The following TRIM62 variants were observed in gnomAD, a reference collection of about 807,000 sequenced individuals.
TRIM62 encodes tripartite motif containing 62.
TRIM62 carries 39 observed loss-of-function variants against 44.2 expected under a neutral mutation model. The observed-to-expected ratio is 0.88, with a 90% CI of 0.68 to 1.15. The LOEUF is 1.15. Among genes scored for constraint, TRIM62 ranks in the 50% most tolerant of loss-of-function variants. The probability of loss-of-function intolerance (pLI) is 0.00; values close to 1 mark genes in which losing one functional copy is unlikely to be tolerated. For synonymous variants in TRIM62, 278 were observed against 292.3 expected (o/e 0.95, Z 0.50); for missense variants, 544 against 665.5 (o/e 0.82, Z 2.01).
chr1:33,155,197 G>A (rs554361167), intron 4 of TRIM62, among the ~76,000 whole-genome samples: 27 of 151,388 alleles, frequency 1.8e-4, no homozygotes, highest in South Asian at 4.2e-4. Flanking sequence ...TCAGCCTCCC[G>A]AGTAATTGGG....
intron 4 of TRIM62, among the ~76,000 whole-genome samples, chr1:33,157,857 A>T (rs1645202373): frequency 6.6e-6 from 1 of 152,028 alleles, no homozygotes; most frequent in Admixed American, 6.6e-5. Flanking sequence ...CCTGGGTTCA[A>T]GCAATTCTCC....
chr1:33,169,121 T>C (rs935818091), intron 1 of TRIM62, among the ~76,000 whole-genome samples: 1 of 151,956 alleles, frequency 6.6e-6, no homozygotes, highest in Non-Finnish European at 1.5e-5. Flanking sequence ...GAGGTGTGAG[T>C]CCTAAACGTG....
chr1:33,147,702 C>T lies in TRIM62; in HGVS notation c.903G>A (p.Pro301=), dbSNP rs554736828. 25 of 1,612,858 alleles carry T rather than the reference C, an allele frequency of 1.6e-5. No individual in the cohort carries two copies. Among genetic ancestry groups the T allele is most frequent in the Middle Eastern group, 1.7e-4 (1 of 6,058 alleles). The change falls in exon 5 of 5, where the codon CCG becomes CCA. Residue 301 remains proline, a synonymous_variant. Transcript: ENST00000291416. The surrounding 1 kb of genome is among the most constrained non-coding windows in gnomAD (Gnocchi z 8.1). ...HPVPAALTLD[P]GTAHQRLILS... ...GGATCAGGCGCTGGTGGGCTGTGCC[C>T]GGGTCCAGGGTTAGGGCGGCTGGCA...
Position 33,165,531 on chromosome 1 carries a change from G to A in TRIM62, c.444C>T (p.Asp148=), listed in dbSNP as rs1227997419. ...GCGCTTCGGTGTGTTCCCGCTCGCT[G>A]TCTTGAAGGGCCTGAAGTTGGTCCT... ...ELKDQLQALQ[D]SEREHTEALQ... is the part of the protein sequence containing the mutation. Residue 148 remains aspartate, a synonymous_variant, in exon 2 of 5, where the codon GAC becomes GAT. Coordinates refer to ENST00000291416, the MANE Select transcript of TRIM62 (RefSeq NM_018207.3). The surrounding 1 kb of genome is among the most constrained non-coding windows in gnomAD (Gnocchi z 4.0). 4.3e-6 allele frequency: 7 copies of A among 1,611,046 alleles called. No individual in the cohort carries two copies. Among genetic ancestry groups the A allele is most frequent in the Non-Finnish European group, 5.1e-6 (6 of 1,178,742 alleles).
Position 33,159,311 on chromosome 1 carries a change from A to G in TRIM62, c.761+377T>C, listed in dbSNP as rs889454106. On this transcript the variant is annotated intron_variant, in intron 3 of 4. Coordinates refer to ENST00000291416, the MANE Select transcript of TRIM62 (RefSeq NM_018207.3). This position sits in a 1 kb window ranked among gnomAD's most constrained non-coding sequence, Gnocchi z 4.2. ...TATTTATATTATGATTGTAAACACT[A>G]TTAAATGCTACCTACTATCTATAAT... 2.6e-5 allele frequency among the ~76,000 whole-genome samples: 4 copies of G among 152,100 alleles called. No individual in the cohort carries two copies. Among genetic ancestry groups the G allele is most frequent in the African/African-American group, 9.7e-5 (4 of 41,414 alleles).
chr1:33,158,198 G>C (rs1645207998), intron 4 of TRIM62, 55 bp downstream of exon 4: 1 of 1,523,006 alleles, frequency 6.6e-7, no homozygotes, highest in Non-Finnish European at 9.1e-7. Context: ...CAGGGGGCTG[G>C]GCTGTGCTGG....
In TRIM62 at chr1:33,145,735, A is replaced by C; in HGVS notation, c.*1442T>G. The C allele has an allele frequency of 2.6e-6, 1 of 386,368 alleles. No individual in the cohort carries two copies. The highest frequency in any genetic ancestry group is 5.3e-6 in the Non-Finnish European group (1 of 188,252). 23.9% of individuals were successfully genotyped at this position (386,368 alleles called of 1,614,324 possible). A position where few individuals can be genotyped will look rare whatever the true frequency, so the allele number is the denominator to read the frequency against. Reference sequence around the variant, plus strand: ...ACTCCTCCAGTTCCCACCTCTGGGCAGGGATAGAGCCAAGGGGCAGGACAA... The same window carrying C: ...ACTCCTCCAGTTCCCACCTCTGGGCCGGGATAGAGCCAAGGGGCAGGACAA... On this transcript the variant is annotated 3_prime_UTR_variant, in exon 5 of 5. Coordinates refer to ENST00000291416, the MANE Select transcript of TRIM62 (RefSeq NM_018207.3).
At chr1:33,176,115 A>C (rs1245375291) in intron 1 of TRIM62, among the ~76,000 whole-genome samples, 4 of 152,178 alleles carry the variant, frequency 2.6e-5, no homozygotes, top group Admixed American at 2.6e-4. Flanking sequence ...TCTCCTTGGA[A>C]AAGTAACAGC....
intron 4 of TRIM62, among the ~76,000 whole-genome samples, chr1:33,151,872 C>T (rs1479811396): frequency 6.6e-6 from 1 of 152,250 alleles, no homozygotes; most frequent in Admixed American, 6.5e-5. Context: ...GGGCACAGCC[C>T]AGCACAGCTG....
chr1:33,160,607 G>A (rs899153966), intron 2 of TRIM62, among the ~76,000 whole-genome samples: 6 of 152,062 alleles, frequency 3.9e-5, no homozygotes, highest in African/African-American at 1.4e-4. Flanking sequence ...GTTTCACCAT[G>A]TTGGCCAGGC....
In TRIM62 at chr1:33,181,583, C is replaced by G. The variant is rs957705114; in HGVS notation, c.-151G>C. 1.4e-5 allele frequency: 19 copies of G among 1,353,424 alleles called. No individual in the cohort carries two copies. Among genetic ancestry groups the G allele is most frequent in the African/African-American group, 3.1e-5 (2 of 64,836 alleles). 83.8% of individuals were successfully genotyped at this position (1,353,424 alleles called of 1,614,324 possible). On this transcript the variant is annotated 5_prime_UTR_variant, in exon 1 of 5. Coordinates refer to ENST00000291416, the MANE Select transcript of TRIM62 (RefSeq NM_018207.3). The surrounding 1 kb of genome is among the most constrained non-coding windows in gnomAD (Gnocchi z 6.5). The stretch of plus-strand genomic sequence containing the variant: ...TACCGGAGAAGGGAGGGGGTGCTGT[C>G]CGGAAGGAGGGTAACGCGAGGAAGG...
chr1:33,170,417 C>G (rs1468029723), intron 1 of TRIM62, among the ~76,000 whole-genome samples: 1 of 152,010 alleles, frequency 6.6e-6, no homozygotes, highest in Non-Finnish European at 1.5e-5. Flanking sequence ...AAAATCTCCC[C>G]CACTAGATTA....
Position 33,161,043 on chromosome 1 carries a change from C to A in TRIM62, c.505-1099G>T, listed in dbSNP as rs1356353476. ...TCTGGGTCTCTAGCTATGGCAACGT[C>A]AGTTGCCTAAGAGCTGTGAACCTTA... On this transcript the variant is annotated intron_variant, in intron 2 of 4. Coordinates refer to ENST00000291416, the MANE Select transcript of TRIM62 (RefSeq NM_018207.3). The surrounding 1 kb of genome is among the most constrained non-coding windows in gnomAD (Gnocchi z 4.3). Among the ~76,000 whole-genome samples, 1 of 152,216 alleles carries A rather than the reference C, an allele frequency of 6.6e-6. No individual in the cohort carries two copies. The highest frequency in any genetic ancestry group is 2.4e-5 in the African/African-American group (1 of 41,454).
chr1:33,180,349 C>G (rs919584054), intron 1 of TRIM62, among the ~76,000 whole-genome samples: 2 of 152,120 alleles, frequency 1.3e-5, no homozygotes, highest in Non-Finnish European at 2.9e-5. Context: ...TGGCTTAAAT[C>G]TAAACTTGTT....
At chr1:33,168,067 G>A (rs767483349) in intron 1 of TRIM62, among the ~76,000 whole-genome samples, 27 of 152,186 alleles carry the variant, frequency 1.8e-4, no homozygotes, top group Non-Finnish European at 2.8e-4. Flanking sequence ...ATAAAGCAGT[G>A]TGAGATGGAG....
intron 1 of TRIM62, 64 bp downstream of exon 1, chr1:33,180,955 ACCCCAC>A (rs1168498535): frequency 2.6e-6 from 1 of 385,502 alleles, no homozygotes; most frequent in Non-Finnish European, 4.9e-6. Context: ...TCCAGCCCTG[ACCCCAC>A]CCCCCGCCCG....
At position 33,146,809 on chromosome 1, in the gene TRIM62, A is replaced by G. The variant is rs1645026520; in HGVS notation, c.*368T>C. 1 of 293,528 alleles carries G rather than the reference A, an allele frequency of 3.4e-6. No homozygotes were observed. The highest frequency in any genetic ancestry group is 6.5e-6 in the Non-Finnish European group (1 of 153,496). 18.2% of individuals were successfully genotyped at this position (293,528 alleles called of 1,614,324 possible). A position where few individuals can be genotyped will look rare whatever the true frequency, so the allele number is the denominator to read the frequency against. On this transcript the variant is annotated 3_prime_UTR_variant, in exon 5 of 5. Coordinates refer to ENST00000291416, the MANE Select transcript of TRIM62 (RefSeq NM_018207.3). ...CTGTGTGTCTTTCGGGCTGCCAACT[A>G]CTGGCCATGCTCTGACACTTCCTGA...
rs1012562568 is a variant in TRIM62 at position 33,167,275 on chromosome 1, A to G, written c.409-1709T>C. Among the ~76,000 whole-genome samples, 2 of 151,914 alleles carry G rather than the reference A, an allele frequency of 1.3e-5. No homozygotes were observed. The highest frequency in any genetic ancestry group is 4.8e-5 in the African/African-American group (2 of 41,336). On this transcript the variant is annotated intron_variant, in intron 1 of 4. Transcript: ENST00000291416. This position sits in a 1 kb window ranked among gnomAD's most constrained non-coding sequence, Gnocchi z 4.2. ...GCCTTCTGCTGTCTGAATATATTTGACTGTGTGTTTATTGCTTATCTCCTC... is the reference window on the plus strand; with the variant it reads ...GCCTTCTGCTGTCTGAATATATTTGGCTGTGTGTTTATTGCTTATCTCCTC...
chr1:33,177,076 CACAT>C lies in TRIM62; in HGVS notation c.408+3945_408+3948del, dbSNP rs918790837. Among the ~76,000 whole-genome samples, 37 of 125,812 alleles carry C rather than the reference CACAT, an allele frequency of 2.9e-4. No individual in the cohort carries two copies. Among genetic ancestry groups the C allele is most frequent in the Admixed American group, 8.7e-4 (9 of 10,286 alleles). The allele number at this position is 125,812 out of a possible 152,430, so 82.5% of individuals were successfully genotyped here. A position where few individuals can be genotyped will look rare whatever the true frequency, so the allele number is the denominator to read the frequency against. ...GCACACACACACACATGCACACACA[CACAT>C]GCATGCACAAATGCACACACATGCA... is the stretch of plus-strand genomic sequence containing the variant. On this transcript the variant is annotated intron_variant, in intron 1 of 4. Coordinates refer to ENST00000291416, the MANE Select transcript of TRIM62 (RefSeq NM_018207.3). The surrounding 1 kb of genome is among the most constrained non-coding windows in gnomAD (Gnocchi z 4.1).
Sources: allele counts gnomAD v4.1 joint callset (sites outside exome capture counted in the v4.1 genomes callset), GRCh38; gene constraint gnomAD v4.1.1; non-coding constraint Gnocchi (gnomAD v3.1); transcripts MANE v1.5; gene names NCBI Gene and HGNC (gene_info 2026-07-23, HGNC 2026-07-21).